Variants in DLC1 observed in about 807,000 individuals in gnomAD.
DLC1 encodes rho GTPase-activating protein 7.
Under a neutral mutation model 140.3 loss-of-function variants are expected in DLC1, and 54 were observed. That is an observed-to-expected ratio of 0.38 (90% CI 0.31 to 0.48). DLC1 has a LOEUF of 0.48. Among genes scored for constraint, DLC1 ranks in the 20% least tolerant of loss-of-function variants. The pLI, the probability that DLC1 is intolerant of heterozygous loss-of-function variation, is 0.96. For synonymous variants in DLC1, 986 were observed against 728.1 expected, an observed-to-expected ratio of 1.35 and a Z score of -5.70; for missense variants, 2,536 against 1,907.0, an observed-to-expected ratio of 1.33 and a Z score of -6.14.
At chr8:13,305,847 A>ATGTTG (rs1408251224) in intron 4 of DLC1, among the ~76,000 whole-genome samples, 2,076 of 152,278 alleles carry the variant, frequency 0.014, 54 homozygotes, top group African/African-American at 0.047. Flanking sequence ...AAACAAACAA[A>ATGTTG]CTAACAACAT....
intron 4 of DLC1, among the ~76,000 whole-genome samples, chr8:13,378,403 A>G (rs985341004): frequency 1.3e-5 from 2 of 151,950 alleles, no homozygotes; most frequent in African/African-American, 2.4e-5. Context: ...AAAAGACTAC[A>G]TATGGCAATC....
At chr8:13,190,753 G>C (rs1447314592) in intron 5 of DLC1, among the ~76,000 whole-genome samples, 1 of 152,082 alleles carries the variant, frequency 6.6e-6, no homozygotes, top group Admixed American at 6.6e-5. Context: ...GGGCCCGAGA[G>C]GTGAGTGGAA....
chr8:13,462,261 A>C (rs1430619058), intron 2 of DLC1, among the ~76,000 whole-genome samples: 1 of 152,172 alleles, frequency 6.6e-6, no homozygotes, highest in African/African-American at 2.4e-5. Context: ...TTGTCATTTT[A>C]TCCTGTAGTG....
At chr8:13,584,481 G>A (rs1010681994) in intron 1 of DLC1, 1 of 152,194 alleles carries the variant, frequency 6.6e-6, no homozygotes, top group Non-Finnish European at 1.5e-5. Context: ...ACCACATTTT[G>A]TAATTGTCAT....
At chr8:13,590,246 T>C (rs1236253396) in intron 1 of DLC1, among the ~76,000 whole-genome samples, 5 of 152,036 alleles carry the variant, frequency 3.3e-5, no homozygotes, top group Admixed American at 3.3e-4. Flanking sequence ...ATTCTGGTGA[T>C]TTCCCACATT....
intron 4 of DLC1, among the ~76,000 whole-genome samples, chr8:13,321,795 C>A (rs1047093667): frequency 1.1e-4 from 17 of 152,182 alleles, no homozygotes; most frequent in African/African-American, 4.1e-4. Context: ...CTGTTATTTG[C>A]AGGCTGTCTT....
chr8:13,295,606 T>C (rs1031247326), intron 5 of DLC1, among the ~76,000 whole-genome samples: 1 of 152,212 alleles, frequency 6.6e-6, no homozygotes, highest in Non-Finnish European at 1.5e-5. Flanking sequence ...TAGAAATGTC[T>C]ATGGAATCCA....
intron 1 of DLC1, among the ~76,000 whole-genome samples, chr8:13,579,247 T>TAC (rs369083558): frequency 0.02 from 1,998 of 98,458 alleles, 335 homozygotes; most frequent in Non-Finnish European, 0.033. Flanking sequence ...ACAGGGAGCA[T>TAC]ATATATATAT....
At chr8:13,121,134 T>C (rs527601) in intron 5 of DLC1, among the ~76,000 whole-genome samples, 12,338 of 152,118 alleles carry the variant, frequency 0.081, 1,313 homozygotes, top group African/African-American at 0.24. Context: ...TGTAAGAAAA[T>C]TCAAGCACTT....
chr8:13,451,151 A>C (rs549422168), intron 2 of DLC1, among the ~76,000 whole-genome samples: 21 of 151,942 alleles, frequency 1.4e-4, no homozygotes, highest in African/African-American at 5.1e-4. Flanking sequence ...GTTTGAAAAA[A>C]CAAAGATGTA....
At chr8:13,523,403 G>T (rs1457901316) in intron 1 of DLC1, among the ~76,000 whole-genome samples, 1 of 152,166 alleles carries the variant, frequency 6.6e-6, no homozygotes, top group Non-Finnish European at 1.5e-5. Flanking sequence ...AGCAAGTCTT[G>T]TGAGACAGAG....
At chr8:13,148,916 C>A (rs1426369140) in intron 5 of DLC1, among the ~76,000 whole-genome samples, 1 of 152,132 alleles carries the variant, frequency 6.6e-6, no homozygotes, top group Non-Finnish European at 1.5e-5. Flanking sequence ...CCTCAGCCTG[C>A]CGAGTAGCTG....
chr8:13,422,100 A>G (rs1246800752), intron 2 of DLC1, among the ~76,000 whole-genome samples: 1 of 152,160 alleles, frequency 6.6e-6, no homozygotes, highest in African/African-American at 2.4e-5. Flanking sequence ...TGAGTCAGAG[A>G]GCTTAAGAAA....
intron 2 of DLC1, among the ~76,000 whole-genome samples, chr8:13,491,454 T>C (rs1270928822): frequency 6.6e-6 from 1 of 152,158 alleles, no homozygotes; most frequent in Non-Finnish European, 1.5e-5. Flanking sequence ...CATATACTTT[T>C]GTGTTAATAT....
At chr8:13,195,870 C>T (rs1282543519) in intron 5 of DLC1, among the ~76,000 whole-genome samples, 2 of 151,952 alleles carry the variant, frequency 1.3e-5, no homozygotes, top group African/African-American at 2.4e-5. Context: ...AGCAAGGGGT[C>T]ATTATAGAAA....
At chr8:13,199,201 T>C (rs954355100) in intron 5 of DLC1, among the ~76,000 whole-genome samples, 2 of 87,780 alleles carry the variant, frequency 2.3e-5, no homozygotes, top group Non-Finnish European at 4.6e-5. Flanking sequence ...TTTTTTTTTT[T>C]TGAGACAAGA....
At chr8:13,132,947 T>G in intron 5 of DLC1, 1 of 1,609,308 alleles carries the variant, frequency 6.2e-7, no homozygotes, top group Admixed American at 1.7e-5. Context: ...AGCTTACGTG[T>G]TAGGATCATG....
At chr8:13,327,056 G>A (rs539841720) in intron 4 of DLC1, among the ~76,000 whole-genome samples, 2 of 150,700 alleles carry the variant, frequency 1.3e-5, no homozygotes, top group South Asian at 4.2e-4. Flanking sequence ...CCAGGTTCAT[G>A]CCACTCTCCC....
chr8:13,477,855 GAA>G (rs74565514), intron 2 of DLC1, among the ~76,000 whole-genome samples: 12 of 147,618 alleles, frequency 8.1e-5, no homozygotes, highest in South Asian at 4.3e-4. Context: ...TAAATCGTTA[GAA>G]AAAAAAAATC....
Sources: gnomAD v4.1 joint callset for allele counts (sites outside exome capture counted in the v4.1 genomes callset) on GRCh38, gnomAD v4.1.1 for gene constraint, MANE v1.5 for transcripts, NCBI Gene and HGNC (gene_info 2026-07-23, HGNC 2026-07-21) for gene names.